The following ADCY5 variants were observed in gnomAD, a reference collection of about 807,000 sequenced individuals.
ADCY5 encodes the protein adenylate cyclase 5.
A neutral mutation model predicts 119.7 loss-of-function variants in ADCY5; 30 were observed. That is an observed-to-expected ratio of 0.25 (90% CI 0.19 to 0.34). ADCY5 has a LOEUF of 0.34. Ranked by LOEUF, ADCY5 falls within the 10% of genes least tolerant of loss-of-function variation. ADCY5 has a pLI of 1.00. For synonymous variants in ADCY5, 753 were observed against 762.2 expected, an observed-to-expected ratio of 0.99 and a Z score of 0.20; for missense variants, 1,324 against 1,775.2, an observed-to-expected ratio of 0.75 and a Z score of 4.57.
At chr3:123,381,286 CT>C (rs1056285591) in intron 1 of ADCY5, among the ~76,000 whole-genome samples, 2 of 152,252 alleles carry the variant, frequency 1.3e-5, no homozygotes, top group African/African-American at 2.4e-5. Context: ...AGCTTGGCAT[CT>C]GCTTCAGCCA....
rs539771187 is a variant in ADCY5 at position 123,406,351 on chromosome 3, C to T, written c.1134+41061G>A. 1.3e-3 allele frequency among the ~76,000 whole-genome samples: 194 copies of T among 152,348 alleles called. 2 individuals carry two copies. The highest frequency in any genetic ancestry group is 1.4e-3 in the African/African-American group (57 of 41,584). ...GACCCTGGCATTTCCCCGTGTGGCC[C>T]CCGCATGGCATGGCATGGCATGTGC... is the stretch of plus-strand genomic sequence containing the variant. On this transcript the variant is annotated intron_variant, in intron 1 of 20. Coordinates refer to ENST00000462833, the MANE Select transcript of ADCY5 (RefSeq NM_183357.3).
chr3:123,308,304 TG>T (rs1259182721), intron 12 of ADCY5, among the ~76,000 whole-genome samples: 2 of 151,846 alleles, frequency 1.3e-5, no homozygotes, highest in African/African-American at 4.8e-5. Flanking sequence ...CCCAAAGTGC[TG>T]GGATTACAGG....
At chr3:123,342,458 G>C (rs534489149) in intron 3 of ADCY5, among the ~76,000 whole-genome samples, 49 of 152,264 alleles carry the variant, frequency 3.2e-4, no homozygotes, top group African/African-American at 1.1e-3. Flanking sequence ...GGGGAGCGGG[G>C]CTGACTACCT....
At chr3:123,445,945 CTA>C (rs1472890290) in intron 1 of ADCY5, among the ~76,000 whole-genome samples, 1 of 152,162 alleles carries the variant, frequency 6.6e-6, no homozygotes, top group Non-Finnish European at 1.5e-5. Flanking sequence ...GCCTCTGACT[CTA>C]TTGTTAATCA....
intron 12 of ADCY5, among the ~76,000 whole-genome samples, chr3:123,311,816 G>C (rs1255347534): frequency 1.3e-5 from 2 of 152,128 alleles, no homozygotes; most frequent in East Asian, 1.9e-4. Flanking sequence ...GTGTGGCCTG[G>C]GGGTAGAGGG....
At chr3:123,324,179 C>T (rs919487661) in intron 8 of ADCY5, among the ~76,000 whole-genome samples, 2 of 152,134 alleles carry the variant, frequency 1.3e-5, no homozygotes, top group East Asian at 3.9e-4. Flanking sequence ...TTTCCTTAAG[C>T]TCGTATCATC....
intron 1 of ADCY5, among the ~76,000 whole-genome samples, chr3:123,398,375 G>A (rs1183062653): frequency 1.3e-5 from 2 of 152,136 alleles, no homozygotes; most frequent in East Asian, 1.9e-4. Flanking sequence ...CTGCCCTGGG[G>A]TCTCCTGGAC....
chr3:123,362,166 T>C (rs1943268745), intron 1 of ADCY5, among the ~76,000 whole-genome samples: 2 of 152,230 alleles, frequency 1.3e-5, no homozygotes, highest in African/African-American at 4.8e-5. Flanking sequence ...TATTCTGTTT[T>C]CTTGGGGATA....
At chr3:123,409,119 C>G (rs1944981590) in intron 1 of ADCY5, among the ~76,000 whole-genome samples, 1 of 152,214 alleles carries the variant, frequency 6.6e-6, no homozygotes. Context: ...ATTATCTATA[C>G]AGGCAGCCAG....
intron 1 of ADCY5, among the ~76,000 whole-genome samples, chr3:123,424,072 T>C (rs1200703233): frequency 6.6e-6 from 1 of 152,252 alleles, no homozygotes; most frequent in African/African-American, 2.4e-5. Context: ...CTAGAGCAGA[T>C]GGCTGGGCCT....
intron 1 of ADCY5, among the ~76,000 whole-genome samples, chr3:123,383,675 T>A (rs1001806970): frequency 6.6e-6 from 1 of 150,598 alleles, no homozygotes; most frequent in East Asian, 2.0e-4. Context: ...CGGCTCCCTG[T>A]GCAGAGCCCC....
chr3:123,291,744 A>AACACAGCCC (rs1387768297), intron 17 of ADCY5, among the ~76,000 whole-genome samples: 1 of 152,090 alleles, frequency 6.6e-6, no homozygotes, highest in East Asian at 1.9e-4. Context: ...AAGGATCCAA[A>AACACAGCCC]ACACAGCCCA....
At chr3:123,372,032 T>G (rs1943661298) in intron 1 of ADCY5, among the ~76,000 whole-genome samples, 1 of 152,162 alleles carries the variant, frequency 6.6e-6, no homozygotes, top group African/African-American at 2.4e-5. Context: ...AACCTTTGCC[T>G]CTTAGCCCCT....
intron 1 of ADCY5, among the ~76,000 whole-genome samples, chr3:123,368,594 C>CA (rs1204587089): frequency 1.3e-5 from 2 of 151,638 alleles, no homozygotes; most frequent in Non-Finnish European, 2.9e-5. Context: ...GAGACTGTCT[C>CA]AAAAAAAATT....
At chr3:123,321,632 C>T (rs908109174) in intron 8 of ADCY5, among the ~76,000 whole-genome samples, 2 of 152,170 alleles carry the variant, frequency 1.3e-5, no homozygotes, top group African/African-American at 4.8e-5. Flanking sequence ...CAGAGGATGC[C>T]CCTTCCCTGG....
intron 1 of ADCY5, chr3:123,416,173 ATGACAC>A: frequency 1.3e-6 from 2 of 1,536,078 alleles, no homozygotes; most frequent in East Asian, 4.9e-5. Flanking sequence ...TGAGGTGGCC[ATGACAC>A]TCACCCTCCG....
chr3:123,402,273 T>C (rs1456851598), intron 1 of ADCY5, among the ~76,000 whole-genome samples: 1 of 152,206 alleles, frequency 6.6e-6, no homozygotes, highest in East Asian at 1.9e-4. Context: ...TTAAGGTTGA[T>C]GGCAAGGAGG....
At chr3:123,302,050 C>T (rs574886619) in intron 14 of ADCY5, among the ~76,000 whole-genome samples, 8 of 152,388 alleles carry the variant, frequency 5.2e-5, no homozygotes, top group African/African-American at 1.9e-4. Flanking sequence ...CCCACACTGA[C>T]AGCCCACAGC....
chr3:123,331,134 G>A (rs1941744030), intron 4 of ADCY5, 118 bp from the exon 5 acceptor site: 2 of 1,150,854 alleles, frequency 1.7e-6, no homozygotes, highest in Non-Finnish European at 2.5e-6. Flanking sequence ...TTAGGGCAGT[G>A]AGCGCAGGCC....
Sources: gnomAD v4.1 joint callset for allele counts (sites outside exome capture counted in the v4.1 genomes callset) on GRCh38, gnomAD v4.1.1 for gene constraint, MANE v1.5 for transcripts, NCBI Gene and HGNC (gene_info 2026-07-23, HGNC 2026-07-21) for gene names.